Variants in LMBR1 observed in about 807,000 individuals in gnomAD.
The protein encoded by LMBR1 is limb region 1 protein homolog.
A neutral mutation model predicts 73.9 loss-of-function variants in LMBR1; 52 were observed. The observed-to-expected ratio is 0.70, with a 90% CI of 0.56 to 0.89. LMBR1 has a LOEUF of 0.89. Ranked by LOEUF, LMBR1 falls within the 40% of genes least tolerant of loss-of-function variation. The pLI is 0.00. For missense variants in LMBR1, 539 were observed against 579.8 expected, an observed-to-expected ratio of 0.93 and a Z score of 0.72; for synonymous variants, 215 against 209.4, an observed-to-expected ratio of 1.03 and a Z score of -0.23.
At chr7:156,821,081 T>A (rs775343741) in intron 4 of LMBR1, among the ~76,000 whole-genome samples, 2 of 152,228 alleles carry the variant, frequency 1.3e-5, no homozygotes, top group African/African-American at 4.8e-5. Flanking sequence ...CAAGTTACCA[T>A]GGGACCTGAG....
chr7:156,797,975 C>CT (rs1375045148), intron 4 of LMBR1, among the ~76,000 whole-genome samples: 1 of 120,158 alleles, frequency 8.3e-6, no homozygotes, highest in Non-Finnish European at 1.8e-5. Flanking sequence ...ATTTTCCAGC[C>CT]TTTAAAAAAA....
rs1803485975 is a variant in LMBR1 at position 156,893,136 on chromosome 7, C to T, written c.-143G>A. ...GCCGTGTTGGAACAGGTACCGCGAC[C>T]ACGACACCGGCCGTCGCCTCAGCAG... On this transcript the variant is annotated 5_prime_UTR_variant, in exon 1 of 17. Transcript: ENST00000353442. 4.0e-6 allele frequency: 3 copies of T among 751,682 alleles called. No homozygotes were observed. Among genetic ancestry groups the T allele is most frequent in the Non-Finnish European group, 5.6e-6 (3 of 538,494 alleles). The allele number at this position is 751,682 out of a possible 1,614,324, so 46.6% of individuals were successfully genotyped here. A position where few individuals can be genotyped will look rare whatever the true frequency, so the allele number is the denominator to read the frequency against.
chr7:156,675,997 G>A (rs1803895631), downstream of LMBR1: 20 of 938,420 alleles, frequency 2.1e-5, 1 homozygote, highest in South Asian at 3.3e-4. Context: ...TGCAGCCGTG[G>A]AGGCTGTGGG....
At chr7:156,810,338 T>C (rs766935469) in intron 4 of LMBR1, among the ~76,000 whole-genome samples, 1 of 152,198 alleles carries the variant, frequency 6.6e-6, no homozygotes, top group African/African-American at 2.4e-5. Context: ...TTGGGGGATC[T>C]GCCCCACTGG....
chr7:156,716,317 G>A (rs1192008316), intron 15 of LMBR1, among the ~76,000 whole-genome samples: 1 of 152,180 alleles, frequency 6.6e-6, no homozygotes, highest in Non-Finnish European at 1.5e-5. Flanking sequence ...ATGGAAAACT[G>A]TATTTGCAAA....
At chr7:156,843,101 T>C (rs1839002123) in intron 1 of LMBR1, among the ~76,000 whole-genome samples, 1 of 152,146 alleles carries the variant, frequency 6.6e-6, no homozygotes, top group Non-Finnish European at 1.5e-5. Context: ...GTCAGCAGTC[T>C]TCCTCCCTCT....
intron 1 of LMBR1, among the ~76,000 whole-genome samples, chr7:156,842,600 T>C (rs1267385610): frequency 1.3e-5 from 2 of 152,204 alleles, no homozygotes; most frequent in Non-Finnish European, 1.5e-5. Flanking sequence ...CAAGGGGAAC[T>C]GGGTTTTTGA....
intron 8 of LMBR1, among the ~76,000 whole-genome samples, chr7:156,757,039 C>T (rs1172493736): frequency 6.6e-6 from 1 of 152,180 alleles, no homozygotes; most frequent in African/African-American, 2.4e-5. Context: ...TGGTCTTGAA[C>T]TCCTGACCTC....
chr7:156,887,125 G>GACA (rs1802035450), intron 1 of LMBR1, among the ~76,000 whole-genome samples: 1 of 152,194 alleles, frequency 6.6e-6, no homozygotes, highest in Admixed American at 6.5e-5. Flanking sequence ...AGAGAACTAT[G>GACA]AGATATTCAT....
chr7:156,723,136 G>A (rs1409055634), intron 15 of LMBR1, among the ~76,000 whole-genome samples: 2 of 102,202 alleles, frequency 2.0e-5, no homozygotes, highest in Non-Finnish European at 3.9e-5. Flanking sequence ...TGGAACAGTG[G>A]TCCCTTTACA....
At chr7:156,812,760 C>T (rs1347671027) in intron 4 of LMBR1, among the ~76,000 whole-genome samples, 1 of 152,162 alleles carries the variant, frequency 6.6e-6, no homozygotes, top group African/African-American at 2.4e-5. Flanking sequence ...TAATTCTACC[C>T]ATCAGTGTAA....
At chr7:156,675,717 A>T, downstream of LMBR1, 1 of 1,611,254 alleles carries the variant, frequency 6.2e-7, no homozygotes, top group Non-Finnish European at 8.5e-7. Context: ...CAGCCACCGC[A>T]TCCTGTGCTC....
At chr7:156,802,186 T>C (rs947748371) in intron 4 of LMBR1, among the ~76,000 whole-genome samples, 2 of 152,210 alleles carry the variant, frequency 1.3e-5, no homozygotes, top group African/African-American at 4.8e-5. Context: ...TTTCACCATG[T>C]TGGCTGGGCT....
At chr7:156,862,450 C>T (rs1235360681) in intron 1 of LMBR1, among the ~76,000 whole-genome samples, 1 of 151,136 alleles carries the variant, frequency 6.6e-6, no homozygotes, top group Non-Finnish European at 1.5e-5. Flanking sequence ...GGATCATACA[C>T]CTAAATGTAA....
intron 9 of LMBR1, among the ~76,000 whole-genome samples, chr7:156,740,028 T>G (rs1349916269): frequency 1.3e-5 from 2 of 152,054 alleles, no homozygotes; most frequent in Non-Finnish European, 2.9e-5. Context: ...CAGAATTTTA[T>G]CAGATAAATT....
chr7:156,859,137 C>A (rs1297644823), intron 1 of LMBR1, among the ~76,000 whole-genome samples: 1 of 151,870 alleles, frequency 6.6e-6, no homozygotes, highest in Non-Finnish European at 1.5e-5. Flanking sequence ...CCTGTAATCC[C>A]AGCTACTCAC....
intron 9 of LMBR1, among the ~76,000 whole-genome samples, chr7:156,737,915 G>A (rs923017034): frequency 6.6e-5 from 10 of 152,134 alleles, no homozygotes; most frequent in East Asian, 1.9e-4. Context: ...GTAGGAGGGC[G>A]GAGCAAGATG....
chr7:156,804,909 T>C (rs1355615079), intron 4 of LMBR1, among the ~76,000 whole-genome samples: 1 of 152,212 alleles, frequency 6.6e-6, no homozygotes, highest in Non-Finnish European at 1.5e-5. Context: ...AATTATGGCC[T>C]AGTTCAATGT....
rs1820822119 is a variant in LMBR1 at position 156,751,253 on chromosome 7, G to GGTA, written c.757+5137_757+5139dup. ...CAGGAAAGGGGAAGCGTAGAGCAGA[G>GGTA]GTAGGGCTTAGTGATACAATCGATA... On this transcript the variant is annotated intron_variant, in intron 9 of 16. Transcript: ENST00000353442. Among the ~76,000 whole-genome samples the GGTA allele has an allele frequency of 2.0e-5, 3 of 152,164 alleles. No homozygotes were observed. In the South Asian group the frequency reaches 6.2e-4, roughly 32 times the overall value.
Sources: allele counts gnomAD v4.1 joint callset (sites outside exome capture counted in the v4.1 genomes callset), GRCh38; gene constraint gnomAD v4.1.1; transcripts MANE v1.5; gene names NCBI Gene and HGNC (gene_info 2026-07-23, HGNC 2026-07-21).